The following PDCD6IP variants were observed in gnomAD, a reference collection of about 807,000 sequenced individuals.
The protein encoded by PDCD6IP is programmed cell death 6 interacting protein, also known as programmed cell death 6-interacting protein.
PDCD6IP carries 43 observed loss-of-function variants against 103.7 expected under a neutral mutation model. The ratio of observed to expected loss-of-function variants is 0.41; its 90% CI spans 0.32 to 0.53. The LOEUF (loss-of-function observed/expected upper bound fraction) is 0.53. Among genes scored for constraint, PDCD6IP ranks in the 20% least tolerant of loss-of-function variants. The pLI, the probability that PDCD6IP is intolerant of heterozygous loss-of-function variation, is 0.16. For missense variants in PDCD6IP, 871 were observed against 1,036.7 expected, an observed-to-expected ratio of 0.84 and a Z score of 2.20; for synonymous variants, 354 against 378.7, an observed-to-expected ratio of 0.93 and a Z score of 0.76.
rs143160830 is a variant in PDCD6IP, at chr3:33,866,798, G to C, written c.*273G>C. ...AAATTGAAAATGAGAAATTAAACCT[G>C]CAAGTGAAACATTTGAAACGATTAT... On this transcript the variant is annotated 3_prime_UTR_variant, in exon 18 of 18. Transcript: ENST00000307296. 1.6e-5 allele frequency: 5 copies of C among 309,426 alleles called. No homozygotes were observed. The Admixed American group carries it at 2.5e-4, about 15-fold the overall frequency. The allele number at this position is 309,426 out of a possible 1,614,324, so 19.2% of individuals were successfully genotyped here.
At chr3:33,854,034 G>C in intron 14 of PDCD6IP, 21 bp downstream of exon 14, 1 of 1,555,590 alleles carries the variant, frequency 6.4e-7, no homozygotes, top group South Asian at 1.3e-5. Flanking sequence ...CATGCAAAAG[G>C]AACCATAGCT....
chr3:33,835,465 C>G (rs1006434191), intron 7 of PDCD6IP: 6 of 369,098 alleles, frequency 1.6e-5, no homozygotes, highest in African/African-American at 1.1e-4. Flanking sequence ...GCCTGTAATC[C>G]CAGCACTTTG....
chr3:33,863,761 T>G (rs1698003493), intron 15 of PDCD6IP: 1 of 461,292 alleles, frequency 2.2e-6, no homozygotes, highest in Non-Finnish European at 3.9e-6. Flanking sequence ...TATCCTTTCT[T>G]TAGGATATAT....
chr3:33,832,270 G>A (rs1348143103), intron 7 of PDCD6IP, among the ~76,000 whole-genome samples: 1 of 151,940 alleles, frequency 6.6e-6, no homozygotes. Flanking sequence ...CTTCTTGTAC[G>A]GGAACTAATC....
In PDCD6IP at chr3:33,866,614, A is replaced by T. The variant is rs182744565; in HGVS notation, c.*89A>T. 1.1e-4 allele frequency: 119 copies of T among 1,092,172 alleles called. No homozygotes were observed. The African/African-American group carries it at 1.8e-3, about 17-fold the overall frequency. 67.7% of individuals were successfully genotyped at this position (1,092,172 alleles called of 1,614,324 possible). A position where few individuals can be genotyped will look rare whatever the true frequency, so the allele number is the denominator to read the frequency against. ...GTGTACTAAACTCTACGCTCTGGTT[A>T]ATGTAATGTACTCTCCTGGACTGAA... On this transcript the variant is annotated 3_prime_UTR_variant, in exon 18 of 18. Transcript: ENST00000307296.
At chr3:33,822,732 T>C (rs955633398) in intron 4 of PDCD6IP, among the ~76,000 whole-genome samples, 1 of 152,202 alleles carries the variant, frequency 6.6e-6, no homozygotes, top group African/African-American at 2.4e-5. Flanking sequence ...CTCGGCTCAC[T>C]GCAAGCTCCG....
chr3:33,799,676 T>C (rs184033179), intron 1 of PDCD6IP: 65 of 152,320 alleles, frequency 4.3e-4, no homozygotes, highest in African/African-American at 1.5e-3. Context: ...TATAAGAACA[T>C]TTTTTACGAT....
intron 1 of PDCD6IP, chr3:33,811,320 T>C (rs12487081): frequency 0.082 from 13,428 of 164,310 alleles, 623 homozygotes; most frequent in African/African-American, 0.096. Context: ...CTCAGATATG[T>C]TGCCCACTCC....
chr3:33,803,560 T>A (rs1696525004), intron 1 of PDCD6IP, among the ~76,000 whole-genome samples: 1 of 152,212 alleles, frequency 6.6e-6, no homozygotes, highest in Non-Finnish European at 1.5e-5. Flanking sequence ...TGCAAAAATC[T>A]TCCAATCTGT....
chr3:33,840,214 GAA>G (rs568574030), intron 9 of PDCD6IP, among the ~76,000 whole-genome samples: 1 of 151,976 alleles, frequency 6.6e-6, no homozygotes, highest in East Asian at 1.9e-4. Flanking sequence ...ATAAGCTAGA[GAA>G]AAAATACTAT....
Position 33,845,036 on chromosome 3 carries a change from ATCTT to A in PDCD6IP, c.1472-381_1472-378del, listed in dbSNP as rs967978836. Among the ~76,000 whole-genome samples, 11 of 147,182 alleles carry A rather than the reference ATCTT, an allele frequency of 7.5e-5. 1 individual carries two copies. Among genetic ancestry groups the A allele is most frequent in the African/African-American group, 2.7e-4 (11 of 40,164 alleles). On this transcript the variant is annotated intron_variant, in intron 11 of 17. Coordinates refer to ENST00000307296, the MANE Select transcript of PDCD6IP (RefSeq NM_013374.6). ...ATATATTATTGAGATTTTTCTAAAA[ATCTT>A]TTTTTTTTTTAAGTCACATTGCTCT...
At chr3:33,842,295 A>G (rs1697493892) in intron 10 of PDCD6IP, among the ~76,000 whole-genome samples, 1 of 152,180 alleles carries the variant, frequency 6.6e-6, no homozygotes, top group South Asian at 2.1e-4. Flanking sequence ...AGTACACACT[A>G]ATGAAACTCA....
At chr3:33,806,424 A>G (rs1041546554) in intron 1 of PDCD6IP, among the ~76,000 whole-genome samples, 3 of 152,236 alleles carry the variant, frequency 2.0e-5, no homozygotes, top group South Asian at 4.1e-4. Context: ...ACTCAGGGCT[A>G]TCTGACTTGA....
chr3:33,801,118 G>C lies in PDCD6IP; in HGVS notation c.209+2181G>C, dbSNP rs535183719. ...CTTTTTGGGCTTCTAGAGGGGTTAG[G>C]GTAAGCTTGGAGATATTACTAAAGT... On this transcript the variant is annotated intron_variant, in intron 1 of 17. Transcript: ENST00000307296. 1.4e-4 allele frequency among the ~76,000 whole-genome samples: 22 copies of C among 152,112 alleles called. No individual in the cohort carries two copies. In the South Asian group the frequency reaches 1.4e-3, roughly 10 times the overall value.
chr3:33,828,388 A>T (rs562126266), intron 6 of PDCD6IP: 1 of 152,306 alleles, frequency 6.6e-6, no homozygotes, highest in African/African-American at 2.4e-5. Flanking sequence ...ATGATGAAAC[A>T]GTAATCTATA....
chr3:33,866,257 T>A (rs1023721729), intron 17 of PDCD6IP, 94 bp from the exon 18 acceptor site: 1 of 807,050 alleles, frequency 1.2e-6, no homozygotes, highest in Non-Finnish European at 1.8e-6. Flanking sequence ...AAAATAGAAA[T>A]GACTTTCATG....
At chr3:33,798,996 T>A (rs1431348938) in intron 1 of PDCD6IP, 59 bp downstream of exon 1, 1 of 1,384,036 alleles carries the variant, frequency 7.2e-7, no homozygotes, top group Non-Finnish European at 9.8e-7. Context: ...CCGCTCCTCT[T>A]CCCGTCTCCC....
intron 15 of PDCD6IP, among the ~76,000 whole-genome samples, chr3:33,858,060 G>T (rs1362994804): frequency 6.6e-6 from 1 of 152,078 alleles, no homozygotes; most frequent in African/African-American, 2.4e-5. Context: ...CCAAAACTCT[G>T]CAAATAATAA....
rs1485518848 is a variant in PDCD6IP, at chr3:33,828,892, C to A, written c.757C>A (p.Gln253Lys). 1 of 1,612,416 alleles carries A rather than the reference C, an allele frequency of 6.2e-7. No homozygotes were observed. The highest frequency in any genetic ancestry group is 1.7e-4 in the Middle Eastern group (1 of 6,056). Residue 253 changes from glutamine to lysine, a missense_variant, in exon 7 of 18, where the codon CAG becomes AAG. By Grantham distance (53) the Gln-to-Lys change is moderately conservative (BLOSUM62 1). Transcript: ENST00000307296. ...PVLAAKHCIM[Q>K]ANAEYHQSIL... ...CTTGGCTGCAAAGCACTGTATCATG[C>A]AGGCCAATGCTGAGTACCATCAGTC...
Sources: allele counts gnomAD v4.1 joint callset (sites outside exome capture counted in the v4.1 genomes callset), GRCh38; gene constraint gnomAD v4.1.1; transcripts MANE v1.5; gene names NCBI Gene and HGNC (gene_info 2026-07-23, HGNC 2026-07-21).